LRRC20: variants seen among roughly 807,000 people sequenced by gnomAD.
LRRC20 encodes leucine-rich repeat-containing protein 20.
Under a neutral mutation model 14.4 loss-of-function variants are expected in LRRC20, and 11 were observed. That is an observed-to-expected ratio of 0.77 (90% CI 0.48 to 1.27). The LOEUF is 1.27. LRRC20 is among the 50% of genes most tolerant of loss of function. The pLI is 0.00. For synonymous variants in LRRC20, 121 were observed against 107.3 expected, an observed-to-expected ratio of 1.13 and a Z score of -0.79; for missense variants, 219 against 251.2, an observed-to-expected ratio of 0.87 and a Z score of 0.87.
At position 70,315,389 on chromosome 10, in the gene LRRC20, AAT is replaced by A. The variant is rs1841816536; in HGVS notation, c.400+8472_400+8473del. On this transcript the variant is annotated intron_variant, in intron 4 of 4. Transcript: ENST00000446961. The stretch of plus-strand genomic sequence containing the variant: ...AATTGCATGCCACATTATGGACTGA[AAT>A]AGAGTTATAATTAAGCATTAATTGG... Among the ~76,000 whole-genome samples, 4 of 152,330 alleles carry A rather than the reference AAT, an allele frequency of 2.6e-5. No individual in the cohort carries two copies. In the South Asian group the frequency reaches 8.3e-4, roughly 32 times the overall value.
Position 70,376,791 on chromosome 10 carries a change from CCAGTCTGG to C in LRRC20, c.-63-203_-63-196del. The C allele has an allele frequency of 5.9e-6, 3 of 509,714 alleles. No individual in the cohort carries two copies. The South Asian group carries it at 6.8e-5, about 12-fold the overall frequency. 31.6% of individuals were successfully genotyped at this position (509,714 alleles called of 1,614,324 possible). A position where few individuals can be genotyped will look rare whatever the true frequency, so the allele number is the denominator to read the frequency against. The stretch of plus-strand genomic sequence containing the variant: ...CTTGGCCTTTGCACAAGCTGGTCTG[CCAGTCTGG>C]CAGCTGGGTTCTACTGGTTTTCTGG... On this transcript the variant is annotated intron_variant, in intron 1 of 4. Transcript: ENST00000446961.
At chr10:70,334,799 G>A (rs1252225509) in intron 3 of LRRC20, among the ~76,000 whole-genome samples, 3 of 152,344 alleles carry the variant, frequency 2.0e-5, no homozygotes, top group South Asian at 4.1e-4. Context: ...AGGCTGAGGC[G>A]TGGCCCCCTC....
At chr10:70,348,518 C>A (rs1489977457) in intron 2 of LRRC20, among the ~76,000 whole-genome samples, 2 of 152,230 alleles carry the variant, frequency 1.3e-5, no homozygotes, top group Non-Finnish European at 2.9e-5. Context: ...CCCCTCTGCA[C>A]ACAGGAGACT....
At chr10:70,323,409 G>A (rs1038365018) in intron 4 of LRRC20, among the ~76,000 whole-genome samples, 7 of 152,172 alleles carry the variant, frequency 4.6e-5, no homozygotes, top group South Asian at 2.1e-4. Context: ...AGGGAGCAGC[G>A]TGTTTGTTCT....
At chr10:70,307,193 G>A (rs1240438037) in intron 4 of LRRC20, among the ~76,000 whole-genome samples, 1 of 152,188 alleles carries the variant, frequency 6.6e-6, no homozygotes, top group East Asian at 1.9e-4. Context: ...TTCCATCCAC[G>A]AGGACTGTGT....
chr10:70,362,271 G>A (rs1356791324), intron 2 of LRRC20, among the ~76,000 whole-genome samples: 3 of 152,200 alleles, frequency 2.0e-5, no homozygotes, highest in Non-Finnish European at 4.4e-5. Flanking sequence ...CCCAGGCAAA[G>A]GGAACAGTAT....
chr10:70,335,579 C>T (rs993458646), intron 3 of LRRC20, among the ~76,000 whole-genome samples: 2 of 152,218 alleles, frequency 1.3e-5, no homozygotes, highest in Admixed American at 6.5e-5. Flanking sequence ...CTGCCTGTTC[C>T]GTGCCTTCCT....
At chr10:70,328,939 G>A (rs949764890) in intron 3 of LRRC20, among the ~76,000 whole-genome samples, 1 of 152,160 alleles carries the variant, frequency 6.6e-6, no homozygotes, top group Non-Finnish European at 1.5e-5. Context: ...GAAGACACAT[G>A]ACACTTGGTT....
At chr10:70,324,221 G>A (rs3829178) in intron 3 of LRRC20, among the ~76,000 whole-genome samples, 191 bp from the exon 4 acceptor site, 22,077 of 152,194 alleles carry the variant, frequency 0.15, 2,453 homozygotes, top group East Asian at 0.31. Context: ...CCCTCCTACC[G>A]CTGCCCGGGG....
intron 3 of LRRC20, among the ~76,000 whole-genome samples, chr10:70,329,364 G>A (rs1203897236): frequency 6.6e-6 from 1 of 152,176 alleles, no homozygotes. Flanking sequence ...CTTTAAGGAT[G>A]AGAGTGGACA....
At chr10:70,303,192 AT>A (rs1841282528) in intron 4 of LRRC20, among the ~76,000 whole-genome samples, 1 of 152,146 alleles carries the variant, frequency 6.6e-6, no homozygotes, top group African/African-American at 2.4e-5. Flanking sequence ...CATAAAGAAT[AT>A]TTTTGCCAAG....
intron 4 of LRRC20, among the ~76,000 whole-genome samples, chr10:70,320,353 G>T (rs1004894052): frequency 7.0e-6 from 1 of 141,878 alleles, no homozygotes; most frequent in Admixed American, 7.1e-5. Flanking sequence ...ATAGATCTGT[G>T]CATGCACATA....
intron 3 of LRRC20, among the ~76,000 whole-genome samples, chr10:70,338,749 C>A (rs745797768): frequency 6.6e-6 from 1 of 152,220 alleles, no homozygotes; most frequent in African/African-American, 2.4e-5. Flanking sequence ...CAACCTCCAC[C>A]TTCCGGGTTC....
rs1841134213 is a variant in LRRC20, at chr10:70,300,625, C to T, written c.*729G>A. ...AGTGATGCTAGAGGGACGGAGCACTCAGGACTTCCCACCCCGCCAATTTGT... is the reference window on the plus strand; with the variant it reads ...AGTGATGCTAGAGGGACGGAGCACTTAGGACTTCCCACCCCGCCAATTTGT... On this transcript the variant is annotated 3_prime_UTR_variant, in exon 5 of 5. Transcript: ENST00000446961. 3.0e-6 allele frequency: 3 copies of T among 985,612 alleles called. No homozygotes were observed. The highest frequency in any genetic ancestry group is 3.6e-6 in the Non-Finnish European group (3 of 830,060). 61.1% of individuals were successfully genotyped at this position (985,612 alleles called of 1,614,324 possible). A position where few individuals can be genotyped will look rare whatever the true frequency, so the allele number is the denominator to read the frequency against.
At chr10:70,341,214 G>C (rs998404453) in intron 2 of LRRC20, among the ~76,000 whole-genome samples, 11 of 152,236 alleles carry the variant, frequency 7.2e-5, no homozygotes, top group African/African-American at 2.7e-4. Flanking sequence ...CCACTGTGCA[G>C]AACAGTCAGG....
At chr10:70,308,508 C>T (rs956060067) in intron 4 of LRRC20, among the ~76,000 whole-genome samples, 3 of 152,174 alleles carry the variant, frequency 2.0e-5, no homozygotes, top group African/African-American at 7.2e-5. Context: ...GCGTATGAGA[C>T]CAGGGGCCCA....
At chr10:70,373,566 GTTGGAAATTTTGCTTCTTCTCTGGCCA>G (rs1844392234) in intron 2 of LRRC20, among the ~76,000 whole-genome samples, 1 of 152,210 alleles carries the variant, frequency 6.6e-6, no homozygotes, top group African/African-American at 2.4e-5. Flanking sequence ...CTATGGCCAG[GTTGGAAATTTTGCTTCTTCTCTGGCCA>G]ATGCACAGAT....
intron 4 of LRRC20, among the ~76,000 whole-genome samples, chr10:70,303,167 A>G (rs1191283309): frequency 2.0e-5 from 3 of 152,248 alleles, no homozygotes; most frequent in Non-Finnish European, 2.9e-5. Flanking sequence ...ATTAAAAAAC[A>G]AAGACTATTA....
At chr10:70,336,055 G>A (rs1369547127) in intron 3 of LRRC20, among the ~76,000 whole-genome samples, 1 of 152,148 alleles carries the variant, frequency 6.6e-6, no homozygotes, top group Non-Finnish European at 1.5e-5. Flanking sequence ...GGCTCCTCCG[G>A]GGCCACGTCC....
Sources: allele counts gnomAD v4.1 joint callset (sites outside exome capture counted in the v4.1 genomes callset), GRCh38; gene constraint gnomAD v4.1.1; transcripts MANE v1.5; gene names NCBI Gene and HGNC (gene_info 2026-07-23, HGNC 2026-07-21).